SPEN: variants seen among roughly 807,000 people sequenced by gnomAD.
SPEN encodes spen family transcriptional repressor.
A neutral mutation model predicts 269.9 loss-of-function variants in SPEN; 18 were observed. That is an observed-to-expected ratio of 0.07 (90% CI 0.05 to 0.10). The LOEUF (loss-of-function observed/expected upper bound fraction) is 0.10. Among genes scored for constraint, SPEN ranks in the 10% least tolerant of loss-of-function variants. The pLI is 1.00. For missense variants in SPEN, 3,822 were observed against 4,631.2 expected, an observed-to-expected ratio of 0.83 and a Z score of 5.07; for synonymous variants, 1,726 against 1,765.7, an observed-to-expected ratio of 0.98 and a Z score of 0.56.
intron 3 of SPEN, among the ~76,000 whole-genome samples, chr1:15,884,305 A>G (rs561287917): frequency 6.6e-6 from 1 of 152,316 alleles, no homozygotes; most frequent in Admixed American, 6.5e-5. Flanking sequence ...TTTCTTTCCT[A>G]GAGGGGGAAT....
At chr1:15,912,666 A>T (rs961784535) in intron 5 of SPEN, among the ~76,000 whole-genome samples, 1 of 152,192 alleles carries the variant, frequency 6.6e-6, no homozygotes, top group African/African-American at 2.4e-5. Flanking sequence ...TTTTCAAAGG[A>T]TAATAGGTTA....
intron 3 of SPEN, among the ~76,000 whole-genome samples, chr1:15,893,677 A>T (rs1173395468): frequency 6.6e-6 from 1 of 152,010 alleles, no homozygotes; most frequent in Non-Finnish European, 1.5e-5. Flanking sequence ...ATCAAAGTTA[A>T]ATTGAAAAAA....
chr1:15,872,956 G>A lies in SPEN; in HGVS notation c.224G>A (p.Arg75His). The A allele has an allele frequency of 2.5e-6, 4 of 1,614,036 alleles. No individual in the cohort carries two copies. The highest frequency in any genetic ancestry group is 2.2e-5 in the East Asian group (1 of 44,876). ...SVNKMGDRDLRTDYNEPGTIP... is the reference protein window; with the variant it reads ...SVNKMGDRDLHTDYNEPGTIP... ...AACAAAATGGGTGACAGAGACCTAC[G>A]CACGGATTATAATGAACCAGGCACC... is the stretch of plus-strand genomic sequence containing the variant. Residue 75 changes from arginine (R) to histidine (H), a missense_variant, in exon 2 of 15, where the codon CGC (arginine) becomes CAC (histidine). By Grantham distance (29) the Arg-to-His change is conservative. Coordinates refer to ENST00000375759, the MANE Select transcript of SPEN (RefSeq NM_015001.3).
Position 15,899,986 on chromosome 1 carries a change from C to T in SPEN, c.882-9335C>T, listed in dbSNP as rs145834275. Among the ~76,000 whole-genome samples the T allele has an allele frequency of 2.2e-3, 334 of 152,164 alleles. 3 individuals are homozygous for T. The highest frequency in any genetic ancestry group is 7.7e-3 in the African/African-American group (318 of 41,524). ...TCAGCCTCCTGAGTAGCTGGGACTA[C>T]AGCTGCATGCCACCATGCCTGGCTA... On this transcript the variant is annotated intron_variant, in intron 3 of 14. Transcript: ENST00000375759.
At position 15,904,452 on chromosome 1, in the gene SPEN, C is replaced by CAAAAAAAAAAAA. The variant is rs1215369183; in HGVS notation, c.882-4855_882-4844dup. 8.8e-4 allele frequency among the ~76,000 whole-genome samples: 43 copies of CAAAAAAAAAAAA among 48,618 alleles called. 1 individual carries two copies. Among genetic ancestry groups the CAAAAAAAAAAAA allele is most frequent in the South Asian group, 1.2e-3 (1 of 808 alleles). 31.9% of individuals were successfully genotyped at this position (48,618 alleles called of 152,430 possible). A position where few individuals can be genotyped will look rare whatever the true frequency, so the allele number is the denominator to read the frequency against. ...GGGCAATAAGAGCGAAACTCCATCT[C>CAAAAAAAAAAAA]AAAAAAAAAAAAAAAAAAAAAAAAA... On this transcript the variant is annotated intron_variant, in intron 3 of 14. Coordinates refer to ENST00000375759, the MANE Select transcript of SPEN (RefSeq NM_015001.3).
intron 1 of SPEN, among the ~76,000 whole-genome samples, chr1:15,865,978 C>G (rs141821189): frequency 4.6e-5 from 7 of 151,436 alleles, no homozygotes; most frequent in African/African-American, 1.5e-4. Context: ...TCAAGTGATT[C>G]AGGAGTTGTA....
intron 1 of SPEN, among the ~76,000 whole-genome samples, chr1:15,856,070 G>A (rs2070383856): frequency 7.6e-6 from 1 of 131,672 alleles, no homozygotes; most frequent in South Asian, 2.5e-4. Context: ...TCGGCTCACT[G>A]CAAGCTCCAC....
intron 2 of SPEN, chr1:15,874,236 T>A: frequency 7.3e-7 from 1 of 1,365,984 alleles, no homozygotes; most frequent in Non-Finnish European, 9.8e-7. Flanking sequence ...TCACTAAGAT[T>A]TTTTTTTTCT....
At chr1:15,917,002 C>T (rs1040812708) in intron 6 of SPEN, among the ~76,000 whole-genome samples, 1 of 152,112 alleles carries the variant, frequency 6.6e-6, no homozygotes, top group African/African-American at 2.4e-5. Context: ...GTGGCTTGCT[C>T]CAGTAGTCCC....
At chr1:15,912,787 G>C (rs1042376721) in intron 5 of SPEN, among the ~76,000 whole-genome samples, 1 of 152,202 alleles carries the variant, frequency 6.6e-6, no homozygotes, top group African/African-American at 2.4e-5. Context: ...GAACAGGTCA[G>C]AACGGCTTGA....
chr1:15,875,811 A>G (rs1343823401), intron 2 of SPEN, among the ~76,000 whole-genome samples: 3 of 152,218 alleles, frequency 2.0e-5, no homozygotes, highest in Admixed American at 6.5e-5. Flanking sequence ...TTTGTGAGTA[A>G]ATAAAATTTG....
chr1:15,884,533 TTCTC>T (rs925973472), intron 3 of SPEN, among the ~76,000 whole-genome samples: 9 of 152,042 alleles, frequency 5.9e-5, no homozygotes, highest in Non-Finnish European at 7.4e-5. Context: ...TACCTTCCAT[TTCTC>T]TCTCTCTTTT....
intron 3 of SPEN, among the ~76,000 whole-genome samples, chr1:15,890,526 G>A (rs940287880): frequency 2.0e-5 from 3 of 150,328 alleles, no homozygotes; most frequent in Non-Finnish European, 1.5e-5. Flanking sequence ...CACCGTGCCC[G>A]GCCTGGTTGA....
rs374213682 is a variant in SPEN, at chr1:15,928,862, C to T, written c.2622C>T (p.Leu874=). The T allele has an allele frequency of 6.2e-7, 1 of 1,614,046 alleles. No homozygotes were observed. Among genetic ancestry groups the T allele is most frequent in the Non-Finnish European group, 8.5e-7 (1 of 1,180,028 alleles). The part of the protein sequence containing the change: ...KEGIAKNRLE[L]MPCVVLTRVK... The stretch of plus-strand genomic sequence containing the variant: ...GAATAGCGAAAAACCGCCTGGAACT[C>T]ATGCCTTGCGTGGTTTTGACTCGAG... Residue 874 remains leucine, a synonymous_variant, in exon 11 of 15, where the codon CTC becomes CTT. Coordinates refer to ENST00000375759, the MANE Select transcript of SPEN (RefSeq NM_015001.3). The surrounding 1 kb of genome is among the most constrained non-coding windows in gnomAD (Gnocchi z 5.7).
At chr1:15,923,004 T>C (rs534578429) in intron 10 of SPEN, among the ~76,000 whole-genome samples, 1 of 152,318 alleles carries the variant, frequency 6.6e-6, no homozygotes, top group South Asian at 2.1e-4. Context: ...GAGTGCATTA[T>C]AAACTTTTAA....
At chr1:15,918,630 G>A (rs2071088471) in intron 6 of SPEN, among the ~76,000 whole-genome samples, 1 of 152,042 alleles carries the variant, frequency 6.6e-6, no homozygotes, top group African/African-American at 2.4e-5. Flanking sequence ...TTATCGTTAA[G>A]TTTCTCTTAA....
At chr1:15,912,099 CAG>C (rs2071018133) in intron 5 of SPEN, among the ~76,000 whole-genome samples, 1 of 152,188 alleles carries the variant, frequency 6.6e-6, no homozygotes, top group Non-Finnish European at 1.5e-5. Context: ...GACAGAGTAA[CAG>C]GAATAAGCCT....
rs1314423689 is a variant in SPEN at position 15,848,500 on chromosome 1, G to C, written c.83+350G>C. Among the ~76,000 whole-genome samples, 1 of 151,972 alleles carries C rather than the reference G, an allele frequency of 6.6e-6. No homozygotes were observed. Among genetic ancestry groups the C allele is most frequent in the Non-Finnish European group, 1.5e-5 (1 of 67,972 alleles). On this transcript the variant is annotated intron_variant, in intron 1 of 14. Coordinates refer to ENST00000375759, the MANE Select transcript of SPEN (RefSeq NM_015001.3). The surrounding 1 kb of genome is among the most constrained non-coding windows in gnomAD (Gnocchi z 5.1). Reference sequence around the variant, plus strand: ...GAGATGCGCTGGGCGGCGGGGTCGCGTCCTTGCGCGCAGTGCCCGGCCCGG... The same window carrying C: ...GAGATGCGCTGGGCGGCGGGGTCGCCTCCTTGCGCGCAGTGCCCGGCCCGG...
At position 15,928,151 on chromosome 1, in the gene SPEN, A is replaced by G. The variant is rs1478276799; in HGVS notation, c.1911A>G (p.Arg637=). ...ATCGTACATATTATGAGAGTGTTCGAACTCCAGGCACTTATCCTGAGGATT... is the reference window on the plus strand; with the variant it reads ...ATCGTACATATTATGAGAGTGTTCGGACTCCAGGCACTTATCCTGAGGATT... The part of the protein sequence containing the change: ...NQDRTYYESV[R]TPGTYPEDSR... Residue 637 remains arginine, a synonymous_variant, in exon 11 of 15, where the codon CGA becomes CGG. Transcript: ENST00000375759. The surrounding 1 kb of genome is among the most constrained non-coding windows in gnomAD (Gnocchi z 5.7). 6.2e-7 allele frequency: 1 copy of G among 1,614,196 alleles called. No individual in the cohort carries two copies. Among genetic ancestry groups the G allele is most frequent in the Admixed American group, 1.7e-5 (1 of 60,022 alleles).
Sources: gnomAD v4.1 joint callset for allele counts (sites outside exome capture counted in the v4.1 genomes callset) on GRCh38, gnomAD v4.1.1 for gene constraint, Gnocchi (gnomAD v3.1) non-coding constraint, MANE v1.5 for transcripts, NCBI Gene and HGNC (gene_info 2026-07-23, HGNC 2026-07-21) for gene names.